RAPGEF5: variants seen among roughly 807,000 people sequenced by gnomAD.
The protein encoded by RAPGEF5 is Rap guanine nucleotide exchange factor 5.
In RAPGEF5, 65 loss-of-function variants were observed where a neutral mutation model predicts 125.2. That is an observed-to-expected ratio of 0.52 (90% CI 0.43 to 0.64). RAPGEF5 has a LOEUF of 0.64. Ranked by LOEUF, RAPGEF5 falls within the 30% of genes least tolerant of loss-of-function variation. The probability of loss-of-function intolerance (pLI) is 0.00; values close to 1 mark genes in which losing one functional copy is unlikely to be tolerated. For missense variants in RAPGEF5, 958 were observed against 1,048.1 expected (o/e 0.91, Z 1.19); for synonymous variants, 391 against 385.9 (o/e 1.01, Z -0.16).
intron 7 of RAPGEF5, among the ~76,000 whole-genome samples, chr7:22,263,946 T>C (rs1007411082): frequency 1.3e-5 from 2 of 152,156 alleles, no homozygotes; most frequent in Admixed American, 6.5e-5. Flanking sequence ...CATGTTCTAC[T>C]ATGATAGCAA....
intron 8 of RAPGEF5, among the ~76,000 whole-genome samples, chr7:22,225,766 GA>G (rs966445509): frequency 6.6e-5 from 10 of 151,478 alleles, no homozygotes; most frequent in African/African-American, 2.4e-4. Context: ...TGCTAAGCCA[GA>G]AAAAAAATAA....
At chr7:22,323,874 G>A (rs928710576) in intron 1 of RAPGEF5, among the ~76,000 whole-genome samples, 1 of 152,076 alleles carries the variant, frequency 6.6e-6, no homozygotes, top group Admixed American at 6.5e-5. Context: ...TTCCTCATGG[G>A]ATTATTTTAA....
chr7:22,208,061 C>G (rs1307451158), intron 9 of RAPGEF5, among the ~76,000 whole-genome samples: 5 of 152,106 alleles, frequency 3.3e-5, no homozygotes, highest in Admixed American at 3.3e-4. Flanking sequence ...GTTTTCCTGT[C>G]TGGGTTTTCA....
At chr7:22,202,679 T>G (rs915779032) in intron 9 of RAPGEF5, among the ~76,000 whole-genome samples, 32 of 152,168 alleles carry the variant, frequency 2.1e-4, no homozygotes, top group African/African-American at 7.2e-4. Flanking sequence ...AATAACCAAT[T>G]CTGAATAGCA....
intron 6 of RAPGEF5, among the ~76,000 whole-genome samples, chr7:22,277,865 G>A (rs563291050): frequency 5.9e-5 from 9 of 152,136 alleles, no homozygotes; most frequent in Non-Finnish European, 1.0e-4. Context: ...TTTAGACAGA[G>A]TCCACACAGA....
rs1346445237 is a variant in RAPGEF5 at position 22,173,340 on chromosome 7, G to A, written c.1205-6192C>T. 2.0e-5 allele frequency among the ~76,000 whole-genome samples: 3 copies of A among 152,138 alleles called. No homozygotes were observed. In the South Asian group the frequency reaches 6.2e-4, roughly 31 times the overall value. On this transcript the variant is annotated intron_variant, in intron 11 of 25. Transcript: ENST00000665637. The stretch of plus-strand genomic sequence containing the variant: ...GAAAGTGATATTAACGACCTCGAAC[G>A]CAGCTTTTTACTACAGCTCTTAAAT...
intron 11 of RAPGEF5, among the ~76,000 whole-genome samples, chr7:22,176,164 C>T (rs546285328): frequency 6.6e-6 from 1 of 152,202 alleles, no homozygotes; most frequent in Admixed American, 6.5e-5. Context: ...GGGGAACTCC[C>T]CTTTATAAAA....
chr7:22,288,398 C>T (rs781171506), intron 6 of RAPGEF5, among the ~76,000 whole-genome samples: 3 of 152,128 alleles, frequency 2.0e-5, no homozygotes, highest in African/African-American at 7.2e-5. Context: ...TACCTTACTG[C>T]ATAATTTACT....
At chr7:22,150,944 C>T (rs528921121) in intron 17 of RAPGEF5, among the ~76,000 whole-genome samples, 10 of 152,084 alleles carry the variant, frequency 6.6e-5, no homozygotes, top group South Asian at 4.1e-4. Flanking sequence ...ATAACTATTG[C>T]GGATACACAT....
chr7:22,304,621 G>A (rs1783290127), intron 5 of RAPGEF5, among the ~76,000 whole-genome samples: 1 of 152,276 alleles, frequency 6.6e-6, no homozygotes, highest in Admixed American at 6.5e-5. Context: ...TATTTCCACA[G>A]TCCCATGCCC....
chr7:22,225,403 A>G (rs977741262), intron 8 of RAPGEF5, among the ~76,000 whole-genome samples: 2 of 152,224 alleles, frequency 1.3e-5, no homozygotes, highest in Non-Finnish European at 2.9e-5. Flanking sequence ...GCATTTTCAC[A>G]AGGTAATCAA....
At chr7:22,290,618 G>T (rs941412538) in intron 6 of RAPGEF5, among the ~76,000 whole-genome samples, 44 of 150,978 alleles carry the variant, frequency 2.9e-4, no homozygotes, top group African/African-American at 1.1e-3. Context: ...AGTGGCGGGC[G>T]CCTGTAGTCC....
At chr7:22,213,054 G>C (rs1202510499) in intron 9 of RAPGEF5, among the ~76,000 whole-genome samples, 1 of 152,204 alleles carries the variant, frequency 6.6e-6, no homozygotes, top group African/African-American at 2.4e-5. Flanking sequence ...AACTGAGCCA[G>C]TATCAATGTT....
intron 11 of RAPGEF5, among the ~76,000 whole-genome samples, chr7:22,180,541 T>C (rs899244416): frequency 1.3e-5 from 2 of 152,216 alleles, no homozygotes; most frequent in Non-Finnish European, 2.9e-5. Context: ...AGAGTGGCTT[T>C]ATCGGCTGCG....
chr7:22,157,055 G>A (rs758484340), intron 15 of RAPGEF5, among the ~76,000 whole-genome samples, 167 bp from the exon 16 acceptor site: 4 of 152,162 alleles, frequency 2.6e-5, no homozygotes, highest in Non-Finnish European at 5.9e-5. Context: ...ACTAATGCAA[G>A]TGGTGGTGGA....
intron 6 of RAPGEF5, among the ~76,000 whole-genome samples, chr7:22,273,979 C>T (rs1019517335): frequency 1.3e-5 from 2 of 152,096 alleles, no homozygotes; most frequent in Admixed American, 1.3e-4. Flanking sequence ...ACGAACACAG[C>T]CATCCTCATT....
intron 1 of RAPGEF5, among the ~76,000 whole-genome samples, chr7:22,340,714 C>T (rs1784109983): frequency 6.6e-6 from 1 of 152,198 alleles, no homozygotes; most frequent in Non-Finnish European, 1.5e-5. Context: ...CGCACTAGAA[C>T]CCCCTCTCCT....
intron 7 of RAPGEF5, among the ~76,000 whole-genome samples, chr7:22,265,221 T>C (rs1782254423): frequency 6.6e-6 from 1 of 151,876 alleles, no homozygotes; most frequent in Admixed American, 6.6e-5. Flanking sequence ...ATTTACTCCG[T>C]CTAACTATAC....
rs1783462673 is a variant in RAPGEF5, at chr7:22,147,020, C to A, written c.1885-1G>T. 1.2e-6 allele frequency: 2 copies of A among 1,611,764 alleles called. No individual in the cohort carries two copies. The highest frequency in any genetic ancestry group is 8.5e-7 in the Non-Finnish European group (1 of 1,179,306). ...ATTCCTCATTTTCTGCAAATGGGTT[C>A]TAAACCAACAGAAGCAAAAAGATCC... On this transcript the variant is annotated splice_acceptor_variant, in intron 18 of 25. Coordinates refer to ENST00000665637, the MANE Select transcript of RAPGEF5 (RefSeq NM_012294.5). LOFTEE classifies it high-confidence loss of function.
Sources: allele counts gnomAD v4.1 joint callset (sites outside exome capture counted in the v4.1 genomes callset), GRCh38; gene constraint gnomAD v4.1.1; transcripts MANE v1.5; gene names NCBI Gene and HGNC (gene_info 2026-07-23, HGNC 2026-07-21).